The following SPIDR variants were observed in gnomAD, a reference collection of about 807,000 sequenced individuals.
SPIDR encodes the protein scaffold protein involved in DNA repair, also known as DNA repair-scaffolding protein.
A neutral mutation model predicts 104.6 loss-of-function variants in SPIDR; 93 were observed. The observed-to-expected ratio is 0.89, with a 90% CI of 0.75 to 1.06. The LOEUF is 1.06. SPIDR is among the 50% of genes least tolerant of loss of function. The pLI, the probability that SPIDR is intolerant of heterozygous loss-of-function variation, is 0.00. For synonymous variants in SPIDR, 431 were observed against 416.9 expected, an observed-to-expected ratio of 1.03 and a Z score of -0.41; for missense variants, 1,154 against 1,111.2, an observed-to-expected ratio of 1.04 and a Z score of -0.55.
intron 7 of SPIDR, among the ~76,000 whole-genome samples, chr8:47,430,232 T>C (rs572888057): frequency 2.2e-4 from 33 of 152,348 alleles, no homozygotes; most frequent in Admixed American, 2.2e-3. Flanking sequence ...CTTCTCCTTT[T>C]TCTTCTCTTC....
chr8:47,717,349 T>C (rs1319428730), intron 16 of SPIDR, among the ~76,000 whole-genome samples: 1 of 152,146 alleles, frequency 6.6e-6, no homozygotes, highest in Non-Finnish European at 1.5e-5. Context: ...AGGTCTCAGC[T>C]CTGGGTCTGA....
intron 10 of SPIDR, among the ~76,000 whole-genome samples, chr8:47,604,589 A>G (rs1256754496): frequency 6.6e-6 from 1 of 152,222 alleles, no homozygotes; most frequent in Non-Finnish European, 1.5e-5. Context: ...TGCCAGAGCT[A>G]GAGAAAAGAT....
At chr8:47,294,638 T>G (rs2040513207) in intron 5 of SPIDR, among the ~76,000 whole-genome samples, 1 of 152,100 alleles carries the variant, frequency 6.6e-6, no homozygotes, top group Non-Finnish European at 1.5e-5. Context: ...CTATTTTTAT[T>G]TATTTATTTA....
intron 5 of SPIDR, among the ~76,000 whole-genome samples, chr8:47,376,896 G>A (rs1554642770): frequency 4.6e-5 from 7 of 152,002 alleles, no homozygotes; most frequent in Non-Finnish European, 4.4e-5. Flanking sequence ...GGCCAAATCT[G>A]GCCTATCACC....
intron 8 of SPIDR, among the ~76,000 whole-genome samples, chr8:47,539,945 A>C (rs2087776291): frequency 6.6e-6 from 1 of 152,112 alleles, no homozygotes; most frequent in African/African-American, 2.4e-5. Flanking sequence ...CCAACTTTTA[A>C]AGAAAGAAGT....
chr8:47,412,178 C>T (rs1480617391), intron 7 of SPIDR, among the ~76,000 whole-genome samples: 3 of 152,058 alleles, frequency 2.0e-5, no homozygotes, highest in Non-Finnish European at 4.4e-5. Flanking sequence ...GTAGTTTTTT[C>T]CAGTTCTGTG....
At chr8:47,607,345 A>C (rs1016895195) in intron 10 of SPIDR, among the ~76,000 whole-genome samples, 4 of 152,076 alleles carry the variant, frequency 2.6e-5, no homozygotes, top group Non-Finnish European at 2.9e-5. Flanking sequence ...TAAACCTTTT[A>C]ATCTCAGCTG....
At chr8:47,582,240 TG>T (rs2059784496) in intron 8 of SPIDR, among the ~76,000 whole-genome samples, 1 of 151,804 alleles carries the variant, frequency 6.6e-6, no homozygotes, top group Non-Finnish European at 1.5e-5. Flanking sequence ...AAAAACTGCT[TG>T]TTTTTTAAGG....
chr8:47,682,012 C>T (rs1399108148), intron 11 of SPIDR, among the ~76,000 whole-genome samples: 1 of 151,844 alleles, frequency 6.6e-6, no homozygotes, highest in Non-Finnish European at 1.5e-5. Context: ...GTGCTTAGAC[C>T]AGAAGAATAT....
At chr8:47,673,659 T>G in intron 10 of SPIDR, 142 bp from the exon 11 acceptor site, 1 of 1,128,388 alleles carries the variant, frequency 8.9e-7, no homozygotes, top group Non-Finnish European at 1.3e-6. Context: ...TTTTCCCCCC[T>G]TGGTTTTTCT....
intron 10 of SPIDR, chr8:47,673,562 C>A: frequency 1.2e-5 from 7 of 575,916 alleles, no homozygotes; most frequent in South Asian, 1.1e-4. Context: ...CCTGCATGAA[C>A]ACATACAGAA....
chr8:47,275,151 T>A (rs28538258), intron 1 of SPIDR, among the ~76,000 whole-genome samples: 1 of 151,106 alleles, frequency 6.6e-6, no homozygotes, highest in Non-Finnish European at 1.5e-5. Flanking sequence ...CCCAGCTACT[T>A]GGGAGGCTGA....
chr8:47,393,106 C>G (rs782512898), intron 5 of SPIDR, among the ~76,000 whole-genome samples: 2 of 152,168 alleles, frequency 1.3e-5, no homozygotes, highest in African/African-American at 2.4e-5. Context: ...TCCCACATCA[C>G]TCTTAGAACT....
At chr8:47,675,002 T>C (rs2076238999) in intron 11 of SPIDR, among the ~76,000 whole-genome samples, 1 of 152,038 alleles carries the variant, frequency 6.6e-6, no homozygotes, top group South Asian at 2.1e-4. Context: ...TTTGGTTTGG[T>C]TTGGTTTTTG....
At chr8:47,429,808 T>A (rs1303543820) in intron 7 of SPIDR, among the ~76,000 whole-genome samples, 1 of 151,202 alleles carries the variant, frequency 6.6e-6, no homozygotes. Context: ...AGCTTATATA[T>A]ATTTTTTTTA....
At chr8:47,692,517 G>A (rs9643789) in intron 11 of SPIDR, among the ~76,000 whole-genome samples, 4 of 112,612 alleles carry the variant, frequency 3.6e-5, no homozygotes, top group Non-Finnish European at 6.9e-5. Flanking sequence ...TTTTCTTTGA[G>A]ACTGAGTTTC....
chr8:47,390,620 C>T lies in SPIDR; in HGVS notation c.526-5756C>T, dbSNP rs374614824. On this transcript the variant is annotated intron_variant, in intron 5 of 19. Transcript: ENST00000297423. ...AAAAAAAAAACTAAAGAAAAACTTGCATCGTGTTAAAATTTGACAGAAGGT... is the reference window on the plus strand; with the variant it reads ...AAAAAAAAAACTAAAGAAAAACTTGTATCGTGTTAAAATTTGACAGAAGGT... 4.0e-5 allele frequency among the ~76,000 whole-genome samples: 6 copies of T among 150,056 alleles called. No homozygotes were observed. The East Asian group carries it at 1.2e-3, about 29-fold the overall frequency.
intron 14 of SPIDR, among the ~76,000 whole-genome samples, chr8:47,704,686 T>C (rs1473361125): frequency 6.6e-6 from 1 of 152,200 alleles, no homozygotes; most frequent in African/African-American, 2.4e-5. Context: ...CCTTTTTCCT[T>C]TGTTTTCTCT....
At chr8:47,331,729 C>T (rs1246276241) in intron 5 of SPIDR, among the ~76,000 whole-genome samples, 2 of 152,004 alleles carry the variant, frequency 1.3e-5, no homozygotes, top group Middle Eastern at 3.2e-3. Context: ...TTAATCTTAG[C>T]TTACTGTAAC....
Sources: allele counts gnomAD v4.1 joint callset (sites outside exome capture counted in the v4.1 genomes callset), GRCh38; gene constraint gnomAD v4.1.1; transcripts MANE v1.5; gene names NCBI Gene and HGNC (gene_info 2026-07-23, HGNC 2026-07-21).